Variants in NEGR1 observed in about 807,000 individuals in gnomAD.
The protein encoded by NEGR1 is neuronal growth regulator 1, also known as IgLON family member 4.
Under a neutral mutation model 40.9 loss-of-function variants are expected in NEGR1, and 10 were observed. The observed-to-expected ratio is 0.24, with a 90% CI of 0.15 to 0.42. The LOEUF (loss-of-function observed/expected upper bound fraction) is 0.42, where lower values mean the gene tolerates loss of function less well. Ranked by LOEUF, NEGR1 falls within the 10% of genes least tolerant of loss-of-function variation. The pLI, the probability that NEGR1 is intolerant of heterozygous loss-of-function variation, is 1.00. For missense variants in NEGR1, 352 were observed against 438.9 expected, an observed-to-expected ratio of 0.80 and a Z score of 1.77; for synonymous variants, 185 against 166.8, an observed-to-expected ratio of 1.11 and a Z score of -0.84.
intron 2 of NEGR1, among the ~76,000 whole-genome samples, chr1:71,809,508 G>A (rs1297854150): frequency 6.6e-6 from 1 of 152,074 alleles, no homozygotes; most frequent in African/African-American, 2.4e-5. Context: ...AACCAAGTAT[G>A]CCCTTCAAGT....
At chr1:71,933,562 C>A (rs1645875006) in intron 2 of NEGR1, among the ~76,000 whole-genome samples, 1 of 151,928 alleles carries the variant, frequency 6.6e-6, no homozygotes, top group African/African-American at 2.4e-5. Flanking sequence ...AACAAGAGAA[C>A]AAGATTAAGC....
At chr1:72,224,755 G>A (rs1479986767) in intron 1 of NEGR1, among the ~76,000 whole-genome samples, 3 of 151,752 alleles carry the variant, frequency 2.0e-5, no homozygotes, top group Non-Finnish European at 4.4e-5. Context: ...GTAAAACTGA[G>A]AAACTCACTA....
intron 1 of NEGR1, among the ~76,000 whole-genome samples, chr1:72,099,634 T>A (rs964926757): frequency 1.3e-5 from 2 of 151,986 alleles, no homozygotes; most frequent in Non-Finnish European, 2.9e-5. Context: ...TCCTCACAGG[T>A]CTAATATTTA....
At chr1:71,894,541 A>T (rs1413667171) in intron 2 of NEGR1, among the ~76,000 whole-genome samples, 1 of 152,232 alleles carries the variant, frequency 6.6e-6, no homozygotes, top group Admixed American at 6.5e-5. Context: ...CATTTGACAG[A>T]TAAGGAAAAT....
chr1:71,678,075 TCATGAC>T (rs1652706507), intron 4 of NEGR1, among the ~76,000 whole-genome samples: 3 of 568 alleles, frequency 5.3e-3, no homozygotes, highest in Non-Finnish European at 0.014. Flanking sequence ...TGATGACAGA[TCATGAC>T]AGATCTGTAG....
intron 3 of NEGR1, among the ~76,000 whole-genome samples, chr1:71,706,172 T>TG (rs1653892462): frequency 1.3e-5 from 2 of 152,282 alleles, no homozygotes; most frequent in East Asian, 1.9e-4. Context: ...CTTTGGACGC[T>TG]GGGGGAGGGA....
intron 1 of NEGR1, among the ~76,000 whole-genome samples, chr1:72,076,517 C>G (rs540428999): frequency 6.8e-5 from 10 of 147,000 alleles, no homozygotes; most frequent in East Asian, 6.6e-4. Flanking sequence ...CCCCACCCCC[C>G]CTGCCTCACC....
chr1:71,413,432 A>G (rs1321232251), intron 6 of NEGR1, among the ~76,000 whole-genome samples: 2 of 152,196 alleles, frequency 1.3e-5, no homozygotes, highest in East Asian at 1.9e-4. Context: ...GGTTAAATCA[A>G]TCTTTCTCTG....
intron 5 of NEGR1, among the ~76,000 whole-genome samples, chr1:71,601,043 T>C (rs1282155496): frequency 6.6e-6 from 1 of 152,212 alleles, no homozygotes; most frequent in Non-Finnish European, 1.5e-5. Context: ...AAATTTTCCT[T>C]TCCTTATATC....
chr1:71,458,338 T>C (rs568242157), intron 6 of NEGR1, among the ~76,000 whole-genome samples: 12 of 152,326 alleles, frequency 7.9e-5, no homozygotes, highest in African/African-American at 2.9e-4. Context: ...GATTAAACAT[T>C]GTCCTGTTTT....
At chr1:71,905,024 T>A (rs972528910) in intron 2 of NEGR1, among the ~76,000 whole-genome samples, 1 of 152,124 alleles carries the variant, frequency 6.6e-6, no homozygotes, top group African/African-American at 2.4e-5. Flanking sequence ...ATTTAGAATG[T>A]TCCTCCAAAA....
chr1:71,913,942 T>A (rs1395661964), intron 2 of NEGR1, among the ~76,000 whole-genome samples: 1 of 151,966 alleles, frequency 6.6e-6, no homozygotes. Context: ...CTCTAATCCC[T>A]CAGTGATAAG....
intron 1 of NEGR1, among the ~76,000 whole-genome samples, chr1:72,019,755 T>G (rs1331255836): frequency 6.6e-6 from 1 of 152,240 alleles, no homozygotes; most frequent in East Asian, 1.9e-4. Context: ...ACTGTAAATT[T>G]CAAACTATGC....
intron 4 of NEGR1, among the ~76,000 whole-genome samples, chr1:71,618,952 T>A (rs949897472): frequency 4.6e-5 from 7 of 152,134 alleles, no homozygotes; most frequent in African/African-American, 1.7e-4. Flanking sequence ...TTCTACATCA[T>A]AGGTTATGTT....
At chr1:71,842,488 G>T (rs1659276673) in intron 2 of NEGR1, among the ~76,000 whole-genome samples, 1 of 152,116 alleles carries the variant, frequency 6.6e-6, no homozygotes, top group African/African-American at 2.4e-5. Flanking sequence ...GAGCTATTAA[G>T]AAATTTCTCT....
chr1:71,661,010 T>G (rs567861076), intron 4 of NEGR1, among the ~76,000 whole-genome samples: 53 of 152,332 alleles, frequency 3.5e-4, no homozygotes, highest in African/African-American at 1.3e-3. Context: ...TTCATCCATG[T>G]CCCTGCAAAG....
intron 6 of NEGR1, among the ~76,000 whole-genome samples, chr1:71,575,762 G>A (rs765339442): frequency 1.4e-4 from 22 of 152,042 alleles, no homozygotes; most frequent in Non-Finnish European, 2.5e-4. Flanking sequence ...CAGCCTGGGC[G>A]ACAGTGCGAG....
chr1:71,714,622 A>G (rs1313303213), intron 3 of NEGR1, among the ~76,000 whole-genome samples: 1 of 152,206 alleles, frequency 6.6e-6, no homozygotes, highest in Non-Finnish European at 1.5e-5. Context: ...AAGGGTCTAC[A>G]TACCACATGC....
intron 1 of NEGR1, among the ~76,000 whole-genome samples, chr1:72,041,445 T>C (rs1300996935): frequency 7.1e-6 from 1 of 139,978 alleles, no homozygotes; most frequent in African/African-American, 2.5e-5. Context: ...TTTTTTTTTT[T>C]TGTCTCCTAA....
Sources: gnomAD v4.1 joint callset for allele counts (sites outside exome capture counted in the v4.1 genomes callset) on GRCh38, gnomAD v4.1.1 for gene constraint, MANE v1.5 for transcripts, NCBI Gene and HGNC (gene_info 2026-07-23, HGNC 2026-07-21) for gene names.